STS: variants seen among roughly 807,000 people sequenced by gnomAD.
The protein encoded by STS is steroid sulfatase.
In STS, 7 loss-of-function variants were observed where a neutral mutation model predicts 26.8. The ratio of observed to expected loss-of-function variants is 0.26; its 90% CI spans 0.15 to 0.49. STS has a LOEUF of 0.49. Ranked by LOEUF, STS falls within the 20% of genes least tolerant of loss-of-function variation. The pLI, the probability that STS is intolerant of heterozygous loss-of-function variation, is 0.98. For missense variants in STS, 434 were observed against 465.6 expected, an observed-to-expected ratio of 0.93 and a Z score of 0.63; for synonymous variants, 199 against 189.4, an observed-to-expected ratio of 1.05 and a Z score of -0.42.
intron 10 of STS, among the ~76,000 whole-genome samples, chrX:7,339,424 T>A (rs771485607): frequency 1.9e-4 from 21 of 112,823 alleles, no homozygotes; most frequent in Non-Finnish European, 3.4e-4. Flanking sequence ...AGCACATATA[T>A]GTAAACCATT....
intron 1 of STS, among the ~76,000 whole-genome samples, chrX:7,187,186 C>T (rs1168348727): frequency 8.0e-5 from 9 of 112,289 alleles, no homozygotes; most frequent in Non-Finnish European, 1.9e-5. Flanking sequence ...CCACAAAGGA[C>T]GTTCTCTGTG....
At chrX:7,247,114 G>A (rs186387006) in intron 2 of STS, among the ~76,000 whole-genome samples, 28 of 111,955 alleles carry the variant, frequency 2.5e-4, no homozygotes, top group Non-Finnish European at 4.7e-4. Flanking sequence ...TGTGACCATC[G>A]AACACATCCT....
intron 2 of STS, among the ~76,000 whole-genome samples, chrX:7,215,050 T>TATACGTATATATGTATATATAC (rs1921235776): frequency 1.1e-5 from 1 of 89,988 alleles, no homozygotes; most frequent in African/African-American, 4.1e-5. Flanking sequence ...TACATATATA[T>TATACGTATATATGTATATATAC]ACGTATATAT....
chrX:7,312,989 A>G (rs1463039910), intron 8 of STS, among the ~76,000 whole-genome samples: 1 of 111,848 alleles, frequency 8.9e-6, no homozygotes, highest in Non-Finnish European at 1.9e-5. Context: ...TTTTCCTCAT[A>G]CTACAAGATT....
intron 2 of STS, among the ~76,000 whole-genome samples, chrX:7,223,673 C>T (rs1181359969): frequency 9.1e-6 from 1 of 110,207 alleles, no homozygotes; most frequent in Non-Finnish European, 1.9e-5. Context: ...TTGTCAGATG[C>T]ATAGTTTGCA....
chrX:7,301,151 G>T (rs1390882841), intron 7 of STS, among the ~76,000 whole-genome samples: 2 of 109,803 alleles, frequency 1.8e-5, no homozygotes, highest in African/African-American at 6.6e-5. Flanking sequence ...ACAGAAGGAG[G>T]CTGAGGCAAG....
chrX:7,257,136 C>T lies in STS; in HGVS notation c.138-106C>T, dbSNP rs568827065. ...GGCGTGGTAGTGTGAGCCGAGATTG[C>T]GCCACTGCACTCCAGCCTGGGTGAC... On this transcript the variant is annotated intron_variant, in intron 3 of 10. Transcript: ENST00000674429. The T allele has an allele frequency of 7.3e-5, 78 of 1,075,624 alleles. No individual in the cohort carries two copies. The South Asian group carries it at 1.2e-3, about 16-fold the overall frequency. The allele number at this position is 1,075,624 out of a possible 1,213,427, so 88.6% of individuals were successfully genotyped here.
chrX:7,208,212 A>G (rs1279813750), intron 2 of STS, among the ~76,000 whole-genome samples: 1 of 112,358 alleles, frequency 8.9e-6, no homozygotes, highest in Non-Finnish European at 1.9e-5. Context: ...TTATTCTTCA[A>G]CCCTTTATAC....
intron 1 of STS, among the ~76,000 whole-genome samples, chrX:7,161,122 ATTT>A (rs62693360): frequency 1.3e-3 from 123 of 97,676 alleles, no homozygotes; most frequent in East Asian, 7.5e-3. Context: ...TGCCTGGCTA[ATTT>A]TTTTTTTTTT....
chrX:7,308,916 T>G (rs1210592816), intron 8 of STS, among the ~76,000 whole-genome samples: 1 of 111,956 alleles, frequency 8.9e-6, no homozygotes, highest in African/African-American at 3.2e-5. Context: ...CACAGAGAAA[T>G]CATAGGATTT....
intron 10 of STS, among the ~76,000 whole-genome samples, chrX:7,342,721 C>A (rs182435961): frequency 1.8e-5 from 2 of 112,401 alleles, no homozygotes; most frequent in African/African-American, 3.2e-5. Context: ...AAACAGATGG[C>A]AGTGAACCTC....
chrX:7,297,534 A>G (rs907982212), intron 7 of STS, among the ~76,000 whole-genome samples: 1 of 111,784 alleles, frequency 8.9e-6, no homozygotes, highest in Non-Finnish European at 1.9e-5. Flanking sequence ...ACGATTAGGG[A>G]TGTCTTCTTA....
Position 7,328,700 on chromosome X carries a change from C to A in STS, c.1241+3202C>A, listed in dbSNP as rs190626053. Among the ~76,000 whole-genome samples, 76 of 110,272 alleles carry A rather than the reference C, an allele frequency of 6.9e-4. 1 individual carries two copies. The highest frequency in any genetic ancestry group is 9.2e-3 in the Middle Eastern group (2 of 218). Reference sequence around the variant, plus strand: ...TTAGCCTCCTGAGTAGCTGGGACTACAGGCGTGCACCACCATGCTTGGCTA... The same window carrying A: ...TTAGCCTCCTGAGTAGCTGGGACTAAAGGCGTGCACCACCATGCTTGGCTA... On this transcript the variant is annotated intron_variant, in intron 9 of 10. Transcript: ENST00000674429.
rs565449309 is a variant in STS at position 7,207,124 on chromosome X, G to T, written c.-5+16116G>T. Among the ~76,000 whole-genome samples the T allele has an allele frequency of 3.6e-5, 4 of 111,598 alleles. No individual in the cohort carries two copies. In the South Asian group the frequency reaches 1.5e-3, roughly 42 times the overall value. ...AGGATCCCTCAAGCCTGGGAGGAGG[G>T]GGTTCCAGTGAGCTGAGATTGTACC... On this transcript the variant is annotated intron_variant, in intron 2 of 10. Transcript: ENST00000674429.
chrX:7,271,377 A>G (rs1271513272), intron 6 of STS, among the ~76,000 whole-genome samples: 2 of 110,323 alleles, frequency 1.8e-5, no homozygotes, highest in African/African-American at 6.6e-5. Flanking sequence ...AGGAGGTGCA[A>G]TTTGCCCAGG....
intron 6 of STS, among the ~76,000 whole-genome samples, chrX:7,260,448 A>C (rs772368635): frequency 9.0e-6 from 1 of 111,566 alleles, no homozygotes; most frequent in Non-Finnish European, 1.9e-5. Flanking sequence ...TGTGTCGCCC[A>C]GGCTGGAGTG....
intron 10 of STS, among the ~76,000 whole-genome samples, chrX:7,340,745 A>G (rs1928245965): frequency 8.9e-6 from 1 of 112,476 alleles, no homozygotes; most frequent in Non-Finnish European, 1.9e-5. Flanking sequence ...ATGGTCTACA[A>G]AATCTCTGGG....
chrX:7,150,044 C>T (rs979160178), intron 1 of STS, among the ~76,000 whole-genome samples: 4 of 111,622 alleles, frequency 3.6e-5, no homozygotes, highest in African/African-American at 1.3e-4. Context: ...AGCTGTGGTA[C>T]CTACAGTAAG....
At chrX:7,200,828 C>G (rs749115809) in intron 2 of STS, among the ~76,000 whole-genome samples, 7 of 111,791 alleles carry the variant, frequency 6.3e-5, no homozygotes, top group Non-Finnish European at 1.1e-4. Flanking sequence ...CCCCTTTCCC[C>G]TGTTCACCTG....
Sources: allele counts gnomAD v4.1 joint callset (sites outside exome capture counted in the v4.1 genomes callset), GRCh38; gene constraint gnomAD v4.1.1; transcripts MANE v1.5; gene names NCBI Gene and HGNC (gene_info 2026-07-23, HGNC 2026-07-21).